Variants in ST6GALNAC3 observed in about 807,000 individuals in gnomAD.
ST6GALNAC3 encodes ST6 N-acetylgalactosaminide alpha-2,6-sialyltransferase 3, also known as alpha-N-acetylgalactosaminide alpha-2,6-sialyltransferase 3.
A neutral mutation model predicts 32.7 loss-of-function variants in ST6GALNAC3; 25 were observed. The ratio of observed to expected loss-of-function variants is 0.76; its 90% CI spans 0.56 to 1.07. ST6GALNAC3 has a LOEUF of 1.07. Among genes scored for constraint, ST6GALNAC3 ranks in the 50% least tolerant of loss-of-function variants. The probability of loss-of-function intolerance (pLI) is 0.00; values close to 1 mark genes in which losing one functional copy is unlikely to be tolerated. For synonymous variants in ST6GALNAC3, 129 were observed against 133.1 expected (o/e 0.97, Z 0.21); for missense variants, 355 against 382.4 (o/e 0.93, Z 0.60).
In ST6GALNAC3 at chr1:76,631,090, A is replaced by T. The variant is rs1316254678; in HGVS notation, c.*2284A>T. 1 of 918,206 alleles carries T rather than the reference A, an allele frequency of 1.1e-6. No homozygotes were observed. The highest frequency in any genetic ancestry group is 5.0e-5 in the South Asian group (1 of 19,846). 56.9% of individuals were successfully genotyped at this position (918,206 alleles called of 1,614,324 possible). A position where few individuals can be genotyped will look rare whatever the true frequency, so the allele number is the denominator to read the frequency against. On this transcript the variant is annotated 3_prime_UTR_variant, in exon 5 of 5. Coordinates refer to ENST00000328299, the MANE Select transcript of ST6GALNAC3 (RefSeq NM_152996.4). ...CTCGTTGTAGCTTTCTCTGATGAAG[A>T]CTTCTGCAGTATATTGTATCCCTCA... is the stretch of plus-strand genomic sequence containing the variant.
intron 1 of ST6GALNAC3, among the ~76,000 whole-genome samples, chr1:76,093,722 C>T (rs569196635): frequency 1.3e-5 from 2 of 152,334 alleles, no homozygotes; most frequent in Non-Finnish European, 2.9e-5. Flanking sequence ...AGAGACAACG[C>T]CAGAGGAATC....
chr1:76,454,998 T>G (rs896365123), intron 3 of ST6GALNAC3, among the ~76,000 whole-genome samples: 36 of 152,134 alleles, frequency 2.4e-4, no homozygotes, highest in African/African-American at 8.7e-4. Flanking sequence ...TTCTCTAGAT[T>G]TCATTTTTAC....
chr1:76,275,488 G>C (rs763027408), intron 1 of ST6GALNAC3, among the ~76,000 whole-genome samples: 1 of 152,100 alleles, frequency 6.6e-6, no homozygotes, highest in Non-Finnish European at 1.5e-5. Context: ...CCAAAATTCT[G>C]GTCATTGCTT....
At chr1:76,111,949 T>C (rs1320564387) in intron 1 of ST6GALNAC3, among the ~76,000 whole-genome samples, 3 of 152,182 alleles carry the variant, frequency 2.0e-5, no homozygotes, top group Non-Finnish European at 1.5e-5. Flanking sequence ...CAATGAGCTG[T>C]TGAGTACACC....
intron 2 of ST6GALNAC3, among the ~76,000 whole-genome samples, chr1:76,365,277 G>A (rs1650280188): frequency 6.6e-6 from 1 of 152,144 alleles, no homozygotes; most frequent in Non-Finnish European, 1.5e-5. Flanking sequence ...TAAACAGTGG[G>A]TACCCATGGA....
chr1:76,256,908 T>C (rs1657956135), intron 1 of ST6GALNAC3, among the ~76,000 whole-genome samples: 1 of 152,122 alleles, frequency 6.6e-6, no homozygotes, highest in Non-Finnish European at 1.5e-5. Flanking sequence ...CCTGTCCACA[T>C]TCAGGGCTAC....
At chr1:76,474,614 T>A (rs2101635687) in intron 3 of ST6GALNAC3, among the ~76,000 whole-genome samples, 1 of 152,146 alleles carries the variant, frequency 6.6e-6, no homozygotes, top group African/African-American at 2.4e-5. Flanking sequence ...AAGGATGGAG[T>A]CAGGTGATTA....
At chr1:76,533,377 G>A (rs964150476) in intron 3 of ST6GALNAC3, among the ~76,000 whole-genome samples, 1 of 152,074 alleles carries the variant, frequency 6.6e-6, no homozygotes, top group African/African-American at 2.4e-5. Context: ...CCATACACAT[G>A]TGAACGTCCA....
At chr1:76,307,205 C>T (rs1311531978) in intron 1 of ST6GALNAC3, among the ~76,000 whole-genome samples, 1 of 152,022 alleles carries the variant, frequency 6.6e-6, no homozygotes, top group Non-Finnish European at 1.5e-5. Flanking sequence ...TCTTTACTTA[C>T]CCATACCCCT....
intron 3 of ST6GALNAC3, among the ~76,000 whole-genome samples, chr1:76,522,664 A>G (rs1166011129): frequency 1.3e-5 from 2 of 152,192 alleles, no homozygotes; most frequent in African/African-American, 4.8e-5. Context: ...TATTATGCCA[A>G]CTAGGTTAGG....
intron 3 of ST6GALNAC3, among the ~76,000 whole-genome samples, chr1:76,437,750 T>TG (rs1656254813): frequency 6.6e-6 from 1 of 151,694 alleles, no homozygotes; most frequent in African/African-American, 2.4e-5. Context: ...GCTAATTTTT[T>TG]TATTTTTAGT....
At chr1:76,315,107 C>A (rs1450245352) in intron 2 of ST6GALNAC3, among the ~76,000 whole-genome samples, 1 of 152,004 alleles carries the variant, frequency 6.6e-6, no homozygotes, top group African/African-American at 2.4e-5. Context: ...ATTAATAACA[C>A]ATAAATTCTT....
intron 1 of ST6GALNAC3, among the ~76,000 whole-genome samples, chr1:76,303,773 T>C (rs1660869917): frequency 6.6e-6 from 1 of 152,068 alleles, no homozygotes; most frequent in South Asian, 2.1e-4. Context: ...ATAAAAAATG[T>C]TGCTCCAAGC....
At chr1:76,285,385 G>GTGTGTGT in intron 1 of ST6GALNAC3, among the ~76,000 whole-genome samples, 2 of 148,474 alleles carry the variant, frequency 1.3e-5, no homozygotes, top group South Asian at 4.3e-4. Context: ...TCGGGAGGAT[G>GTGTGTGT]GTGTGTGTGT....
At chr1:76,127,620 G>T (rs1649338192) in intron 1 of ST6GALNAC3, among the ~76,000 whole-genome samples, 1 of 152,170 alleles carries the variant, frequency 6.6e-6, no homozygotes, top group Non-Finnish European at 1.5e-5. Flanking sequence ...TGGATCTCTT[G>T]CCATGATCCT....
intron 1 of ST6GALNAC3, among the ~76,000 whole-genome samples, chr1:76,303,097 A>C (rs1295349797): frequency 9.8e-6 from 1 of 102,044 alleles, no homozygotes; most frequent in Admixed American, 1.2e-4. Context: ...CAAAGGTCAC[A>C]GTCCTATGCA....
intron 3 of ST6GALNAC3, among the ~76,000 whole-genome samples, chr1:76,526,503 C>G: frequency 6.7e-6 from 1 of 149,404 alleles, no homozygotes; most frequent in East Asian, 2.0e-4. Flanking sequence ...TGTCATTACT[C>G]TGGAATCCTT....
rs78888615 is a variant in ST6GALNAC3, at chr1:76,623,217, G to A, written c.624-4235G>A. Among the ~76,000 whole-genome samples the A allele has an allele frequency of 2.9e-3, 442 of 151,990 alleles. 4 individuals carry two copies. The highest frequency in any genetic ancestry group is 9.8e-3 in the African/African-American group (406 of 41,490). On this transcript the variant is annotated intron_variant, in intron 3 of 4. Transcript: ENST00000328299. ...GCATGTGCTACATCAAGGTCTTGACGGCATCATTTTCCCAAGAGATATGCC... is the reference window on the plus strand; with the variant it reads ...GCATGTGCTACATCAAGGTCTTGACAGCATCATTTTCCCAAGAGATATGCC...
chr1:76,087,977 A>C (rs1047324461), intron 1 of ST6GALNAC3, among the ~76,000 whole-genome samples: 4 of 152,218 alleles, frequency 2.6e-5, no homozygotes, highest in African/African-American at 9.7e-5. Context: ...GAGAGAACTT[A>C]AGTTCTTTGT....
Sources: allele counts gnomAD v4.1 joint callset (sites outside exome capture counted in the v4.1 genomes callset), GRCh38; gene constraint gnomAD v4.1.1; transcripts MANE v1.5; gene names NCBI Gene and HGNC (gene_info 2026-07-23, HGNC 2026-07-21).